FLT1: variants seen among roughly 807,000 people sequenced by gnomAD.
FLT1 encodes the protein vascular endothelial growth factor receptor 1.
In FLT1, 49 loss-of-function variants were observed where a neutral mutation model predicts 156.3. The ratio of observed to expected loss-of-function variants is 0.31; its 90% CI spans 0.25 to 0.40. The LOEUF (loss-of-function observed/expected upper bound fraction) is 0.40, where lower values mean the gene tolerates loss of function less well. Among genes scored for constraint, FLT1 ranks in the 10% least tolerant of loss-of-function variants. The pLI is 1.00. For missense variants in FLT1, 1,322 were observed against 1,637.2 expected (o/e 0.81, Z 3.32); for synonymous variants, 594 against 583.8 (o/e 1.02, Z -0.25).
At chr13:28,369,550 C>T (rs941470601) in intron 14 of FLT1, among the ~76,000 whole-genome samples, 4 of 152,056 alleles carry the variant, frequency 2.6e-5, no homozygotes, top group African/African-American at 7.2e-5. Context: ...AAATGAAAAA[C>T]GATTAATCCA....
At chr13:28,323,139 C>G (rs1871538907) in intron 20 of FLT1, among the ~76,000 whole-genome samples, 193 bp from the exon 21 acceptor site, 1 of 151,766 alleles carries the variant, frequency 6.6e-6, no homozygotes. Flanking sequence ...CTATTGTGCT[C>G]TTGCCTGGGC....
At chr13:28,361,971 GA>G (rs761987619) in intron 14 of FLT1, among the ~76,000 whole-genome samples, 13 of 152,220 alleles carry the variant, frequency 8.5e-5, no homozygotes, top group Middle Eastern at 3.2e-3. Flanking sequence ...AGCTGGACTG[GA>G]ATGAGGAAAG....
chr13:28,395,829 A>G (rs1270374000), intron 12 of FLT1, among the ~76,000 whole-genome samples: 1 of 152,254 alleles, frequency 6.6e-6, no homozygotes, highest in Non-Finnish European at 1.5e-5. Context: ...AGTAGAGTTG[A>G]ACTGTACCAT....
intron 27 of FLT1, among the ~76,000 whole-genome samples, chr13:28,310,189 C>T (rs886899007): frequency 1.1e-4 from 16 of 152,076 alleles, no homozygotes; most frequent in East Asian, 3.9e-4. Flanking sequence ...TGTGCCCGGC[C>T]GCAAGCAGTA....
chr13:28,394,625 G>A (rs1163037330), intron 12 of FLT1, among the ~76,000 whole-genome samples: 2 of 152,156 alleles, frequency 1.3e-5, no homozygotes, highest in East Asian at 1.9e-4. Flanking sequence ...TGAGCATGAT[G>A]TTCCCCTTTT....
intron 3 of FLT1, among the ~76,000 whole-genome samples, chr13:28,458,541 G>A (rs995684649): frequency 1.3e-5 from 2 of 152,172 alleles, no homozygotes; most frequent in Admixed American, 6.5e-5. Flanking sequence ...GGACATCCTA[G>A]GAGAATACAG....
intron 18 of FLT1, among the ~76,000 whole-genome samples, chr13:28,330,281 C>T (rs1566289411): frequency 6.6e-6 from 1 of 152,216 alleles, no homozygotes; most frequent in Non-Finnish European, 1.5e-5. Flanking sequence ...CATCTGACTT[C>T]AACTTCAGTC....
At chr13:28,412,318 T>TTTC (rs1876260686) in intron 10 of FLT1, among the ~76,000 whole-genome samples, 5 of 38,196 alleles carry the variant, frequency 1.3e-4, no homozygotes, top group Non-Finnish European at 2.6e-4. Context: ...TCTTTCTTTC[T>TTTC]TTCTTTCTTT....
chr13:28,434,503 T>C (rs1877910484), intron 4 of FLT1, among the ~76,000 whole-genome samples: 1 of 152,232 alleles, frequency 6.6e-6, no homozygotes, highest in South Asian at 2.1e-4. Context: ...ATAGACCTAC[T>C]TGTCATGTCA....
At chr13:28,438,995 C>T (rs1247270514) in intron 3 of FLT1, among the ~76,000 whole-genome samples, 2 of 152,148 alleles carry the variant, frequency 1.3e-5, no homozygotes, top group Non-Finnish European at 2.9e-5. Context: ...CTTTAGTATG[C>T]GCTACTTACC....
chr13:28,490,211 C>T (rs914155494), intron 1 of FLT1, among the ~76,000 whole-genome samples: 6 of 152,074 alleles, frequency 3.9e-5, no homozygotes, highest in Admixed American at 1.3e-4. Context: ...GCTCTTACAA[C>T]GTGTGTGTGT....
intron 4 of FLT1, among the ~76,000 whole-genome samples, chr13:28,437,369 C>A (rs1001997580): frequency 6.6e-6 from 1 of 152,178 alleles, no homozygotes; most frequent in Non-Finnish European, 1.5e-5. Context: ...ATTCTCTGAA[C>A]TTTTCCAGCC....
At chr13:28,494,366 C>G (rs898797821) in intron 1 of FLT1, among the ~76,000 whole-genome samples, 1 of 152,214 alleles carries the variant, frequency 6.6e-6, no homozygotes, top group African/African-American at 2.4e-5. Context: ...GCTCCCGGCT[C>G]CGGGGGACCC....
chr13:28,345,872 T>A (rs539193057), intron 15 of FLT1: 2 of 252,602 alleles, frequency 7.9e-6, no homozygotes, highest in East Asian at 1.6e-4. Flanking sequence ...AAATTAAAAA[T>A]GGGAAAAAAT....
At chr13:28,346,516 T>C (rs1872571934) in intron 15 of FLT1, among the ~76,000 whole-genome samples, 1 of 151,722 alleles carries the variant, frequency 6.6e-6, no homozygotes, top group Middle Eastern at 3.4e-3. Context: ...GCCCCGGAGT[T>C]TGAGACCAGC....
chr13:28,395,498 A>G (rs1375347869), intron 12 of FLT1, among the ~76,000 whole-genome samples: 1 of 152,266 alleles, frequency 6.6e-6, no homozygotes, highest in Non-Finnish European at 1.5e-5. Context: ...TTTAAGTGTA[A>G]AAACTGAAGC....
At position 28,304,901 on chromosome 13, in the gene FLT1, G is replaced by A. The variant is rs140576437; in HGVS notation, c.3816-1533C>T. 3.5e-3 allele frequency among the ~76,000 whole-genome samples: 532 copies of A among 152,234 alleles called. 7 individuals carry two copies. Among genetic ancestry groups the A allele is most frequent in the Non-Finnish European group, 4.5e-3 (303 of 67,998 alleles). ...TTTATTGACAATATTATATTGTGTG[G>A]ATATACCATACTTTATTCATTGAGT... On this transcript the variant is annotated intron_variant, in intron 29 of 29. Coordinates refer to ENST00000282397, the MANE Select transcript of FLT1 (RefSeq NM_002019.4).
intron 15 of FLT1, among the ~76,000 whole-genome samples, chr13:28,351,666 A>C (rs1872737853): frequency 6.6e-6 from 1 of 152,150 alleles, no homozygotes; most frequent in Admixed American, 6.5e-5. Context: ...TTTTAAGTAC[A>C]TTTTCAAGAG....
Position 28,300,389 on chromosome 13 carries a change from C to T in FLT1, c.*2778G>A. On this transcript the variant is annotated 3_prime_UTR_variant, in exon 30 of 30. Coordinates refer to ENST00000282397, the MANE Select transcript of FLT1 (RefSeq NM_002019.4). ...TTATATGAAGATGGTATACAAAATA[C>T]ATTCATCATGACTAGAAATATAGGA... 4.3e-6 allele frequency: 1 copy of T among 233,192 alleles called. No homozygotes were observed. Among genetic ancestry groups the T allele is most frequent in the East Asian group, 6.0e-5 (1 of 16,580 alleles). 14.4% of individuals were successfully genotyped at this position (233,192 alleles called of 1,614,324 possible).
Sources: allele counts gnomAD v4.1 joint callset (sites outside exome capture counted in the v4.1 genomes callset), GRCh38; gene constraint gnomAD v4.1.1; transcripts MANE v1.5; gene names NCBI Gene and HGNC (gene_info 2026-07-23, HGNC 2026-07-21).